The following ZNF253 variants were observed in gnomAD, a reference collection of about 807,000 sequenced individuals.
ZNF253 encodes the protein zinc finger protein 253.
In ZNF253, 8 loss-of-function variants were observed where a neutral mutation model predicts 11.9. That is an observed-to-expected ratio of 0.67 (90% CI 0.40 to 1.22). The LOEUF (loss-of-function observed/expected upper bound fraction) is 1.22, where lower values mean the gene tolerates loss of function less well. Ranked by LOEUF, ZNF253 falls within the 50% of genes most tolerant of loss-of-function variation. ZNF253 has a pLI of 0.01. For missense variants in ZNF253, 485 were observed against 586.9 expected (o/e 0.83, Z 1.79); for synonymous variants, 194 against 194.9 (o/e 1.00, Z 0.04).
chr19:19,882,197 A>T (rs2063180820), intron 3 of ZNF253, among the ~76,000 whole-genome samples: 3 of 152,098 alleles, frequency 2.0e-5, no homozygotes, highest in Admixed American at 2.0e-4. Flanking sequence ...CTCAATAAAA[A>T]AAAAAAAAAG....
At chr19:19,877,603 G>A (rs57490026) in intron 1 of ZNF253, among the ~76,000 whole-genome samples, 33,053 of 151,896 alleles carry the variant, frequency 0.22, 4,165 homozygotes, top group East Asian at 0.58. Flanking sequence ...TCGAACTCCC[G>A]ACCTCAGGTG....
chr19:19,869,675 TTTTTTTTTTTTTAA>T (rs1416309192), intron 1 of ZNF253, among the ~76,000 whole-genome samples: 15 of 121,410 alleles, frequency 1.2e-4, no homozygotes, highest in African/African-American at 6.3e-4. Context: ...TTTTTTTTTT[TTTTTTTTTTTTTAA>T]AAAACAGTCT....
In ZNF253 at chr19:19,893,823, C is replaced by T. The variant is rs1008812915; in HGVS notation, c.*1076C>T. The T allele has an allele frequency of 3.9e-5, 6 of 152,146 alleles. No individual in the cohort carries two copies. The highest frequency in any genetic ancestry group is 1.2e-4 in the African/African-American group (5 of 41,430). The allele number at this position is 152,146 out of a possible 1,614,324, so 9.4% of individuals were successfully genotyped here. A position where few individuals can be genotyped will look rare whatever the true frequency, so the allele number is the denominator to read the frequency against. ...GGGGTTGTAGTGCCTTTACTTGTGTCACAGATCTTAGTGCACACATGTAGT... is the reference window on the plus strand; with the variant it reads ...GGGGTTGTAGTGCCTTTACTTGTGTTACAGATCTTAGTGCACACATGTAGT... On this transcript the variant is annotated 3_prime_UTR_variant, in exon 4 of 4. Coordinates refer to ENST00000589717, the MANE Select transcript of ZNF253 (RefSeq NM_021047.3).
chr19:19,874,748 A>G (rs1287854950), intron 1 of ZNF253, among the ~76,000 whole-genome samples: 1 of 151,968 alleles, frequency 6.6e-6, no homozygotes, highest in East Asian at 1.9e-4. Flanking sequence ...CGTCTCTACT[A>G]AAAATACAAA....
chr19:19,866,192 A>G (rs2063110181), intron 1 of ZNF253, among the ~76,000 whole-genome samples, 193 bp downstream of exon 1: 1 of 151,340 alleles, frequency 6.6e-6, no homozygotes, highest in Non-Finnish European at 1.5e-5. Flanking sequence ...CGGCACAGTG[A>G]TTGTGCCCTG....
chr19:19,874,174 T>G (rs1031611291), intron 1 of ZNF253, among the ~76,000 whole-genome samples: 1 of 151,756 alleles, frequency 6.6e-6, no homozygotes, highest in African/African-American at 2.4e-5. Context: ...CCTCCCAAAG[T>G]GCTGGGATTA....
chr19:19,885,217 T>C (rs902598694), intron 3 of ZNF253, among the ~76,000 whole-genome samples: 1 of 40,824 alleles, frequency 2.4e-5, no homozygotes, highest in Non-Finnish European at 4.0e-5. Flanking sequence ...TTTTTTTGTA[T>C]TCTTTCTTTC....
In ZNF253 at chr19:19,892,499, C is replaced by G. The variant is rs1439662377; in HGVS notation, c.1252C>G (p.His418Asp). Reference protein sequence around the residue: ...PSILSKHKRTHTGEKPYKCEE... With the variant: ...PSILSKHKRTDTGEKPYKCEE... ...AATCCTCTCCAAACATAAAAGAACT[C>G]ATACTGGAGAGAAACCCTACAAATG... is the stretch of plus-strand genomic sequence containing the variant. The change falls in exon 4 of 4, where the codon CAT (histidine) becomes GAT (aspartate). Residue 418 changes from histidine to aspartate, a missense_variant. This residue lies in a region of ZNF253 where 232 missense variants were observed against 321.4 expected (regional missense o/e 0.72). Transcript: ENST00000589717. 1 of 1,613,758 alleles carries G rather than the reference C, an allele frequency of 6.2e-7. No individual in the cohort carries two copies. Among genetic ancestry groups the G allele is most frequent in the East Asian group, 2.2e-5 (1 of 44,822 alleles).
chr19:19,865,928 C>G lies in ZNF253; in HGVS notation c.-69C>G, dbSNP rs933478683. On this transcript the variant is annotated 5_prime_UTR_variant, in exon 1 of 4. Coordinates refer to ENST00000589717, the MANE Select transcript of ZNF253 (RefSeq NM_021047.3). ...TCCTGTGCTTATAGAGGCCCGTCCT[C>G]TGTGGCCGTGTGACCTGCAAGTATT... 4.4e-6 allele frequency: 7 copies of G among 1,604,740 alleles called. No individual in the cohort carries two copies. The Admixed American group carries it at 5.0e-5, about 11-fold the overall frequency.
In ZNF253 at chr19:19,891,832, T is replaced by C. The variant is rs1480150671; in HGVS notation, c.585T>C (p.Thr195=). The C allele has an allele frequency of 3.1e-6, 5 of 1,614,186 alleles. No homozygotes were observed. The highest frequency in any genetic ancestry group is 4.2e-6 in the Non-Finnish European group (5 of 1,180,028). The part of the protein sequence containing the change: ...STLTTHKKIH[T]GEKPYRCEEC... Reference sequence around the variant, plus strand: ...TTACTACACATAAGAAAATTCATACTGGAGAGAAACCTTACAGATGTGAAG... The same window carrying C: ...TTACTACACATAAGAAAATTCATACCGGAGAGAAACCTTACAGATGTGAAG... The change falls in exon 4 of 4, where the codon ACT becomes ACC. Residue 195 remains threonine (T), a synonymous_variant. Transcript: ENST00000589717.
intron 1 of ZNF253, among the ~76,000 whole-genome samples, chr19:19,874,089 T>C (rs932491685): frequency 1.3e-5 from 2 of 152,102 alleles, no homozygotes; most frequent in African/African-American, 4.8e-5. Context: ...TTTGTATTTT[T>C]AGTAGAGATA....
rs1357863622 is a variant in ZNF253, at chr19:19,893,911, T to C, written c.*1164T>C. Reference sequence around the variant, plus strand: ...TTTCAGGGAATCAAGGGAATTTATATTGAGAATAGTACTGCAAATGTAATG... The same window carrying C: ...TTTCAGGGAATCAAGGGAATTTATACTGAGAATAGTACTGCAAATGTAATG... On this transcript the variant is annotated 3_prime_UTR_variant, in exon 4 of 4. Coordinates refer to ENST00000589717, the MANE Select transcript of ZNF253 (RefSeq NM_021047.3). The C allele has an allele frequency of 2.0e-5, 3 of 152,230 alleles. No homozygotes were observed. Among genetic ancestry groups the C allele is most frequent in the Non-Finnish European group, 2.9e-5 (2 of 68,038 alleles). 9.4% of individuals were successfully genotyped at this position (152,230 alleles called of 1,614,324 possible). A position where few individuals can be genotyped will look rare whatever the true frequency, so the allele number is the denominator to read the frequency against.
chr19:19,885,366 TC>T (rs2063201941), intron 3 of ZNF253, among the ~76,000 whole-genome samples: 2 of 94,784 alleles, frequency 2.1e-5, no homozygotes, highest in African/African-American at 9.3e-5. Flanking sequence ...TCCTTTCTTT[TC>T]TTTCTTTTCT....
At chr19:19,879,075 A>G (rs2063166965) in intron 2 of ZNF253, among the ~76,000 whole-genome samples, 1 of 152,218 alleles carries the variant, frequency 6.6e-6, no homozygotes, top group South Asian at 2.1e-4. Context: ...AGTCACTGGC[A>G]AAGTGATTAC....
chr19:19,885,325 T>TC (rs1491183001), intron 3 of ZNF253, among the ~76,000 whole-genome samples: 1 of 82,750 alleles, frequency 1.2e-5, no homozygotes, highest in African/African-American at 1.2e-4. Flanking sequence ...TTTCTTTCTT[T>TC]CTTTCTTTCT....
chr19:19,882,298 C>A (rs1273376966), intron 3 of ZNF253, among the ~76,000 whole-genome samples: 1 of 151,976 alleles, frequency 6.6e-6, no homozygotes, highest in East Asian at 1.9e-4. Flanking sequence ...TTTTCATAAA[C>A]TGATTTTAGA....
intron 1 of ZNF253, among the ~76,000 whole-genome samples, chr19:19,877,437 G>A (rs1252389546): frequency 6.6e-6 from 1 of 150,908 alleles, no homozygotes. Context: ...GTGCAATGGT[G>A]CAATCTTGGC....
chr19:19,893,615 A>G lies in ZNF253; in HGVS notation c.*868A>G, dbSNP rs1568502977. Reference sequence around the variant, plus strand: ...ACAGGAAAGCTCTTATCCTTGAGAAAAATTGTGCAAATACAAAGAATATGG... The same window carrying G: ...ACAGGAAAGCTCTTATCCTTGAGAAGAATTGTGCAAATACAAAGAATATGG... On this transcript the variant is annotated 3_prime_UTR_variant, in exon 4 of 4. Transcript: ENST00000589717. 6.6e-6 allele frequency: 1 copy of G among 152,342 alleles called. No individual in the cohort carries two copies. The highest frequency in any genetic ancestry group is 2.4e-5 in the African/African-American group (1 of 41,570). The allele number at this position is 152,342 out of a possible 1,614,324, so 9.4% of individuals were successfully genotyped here.
chr19:19,874,779 G>C (rs1005050155), intron 1 of ZNF253, among the ~76,000 whole-genome samples: 5 of 152,028 alleles, frequency 3.3e-5, no homozygotes, highest in Non-Finnish European at 7.4e-5. Flanking sequence ...GGGCGTGGTG[G>C]TGGGCGCCTG....
Sources: gnomAD v4.1 joint callset for allele counts (sites outside exome capture counted in the v4.1 genomes callset) on GRCh38, gnomAD v4.1.1 for gene constraint, gnomAD v4.1.1 regional missense constraint, MANE v1.5 for transcripts, NCBI Gene and HGNC (gene_info 2026-07-23, HGNC 2026-07-21) for gene names.